The following APBA1 variants were observed in gnomAD, a reference collection of about 807,000 sequenced individuals.
The protein encoded by APBA1 is amyloid-beta A4 precursor protein-binding family A member 1.
Under a neutral mutation model 86.6 loss-of-function variants are expected in APBA1, and 55 were observed. The ratio of observed to expected loss-of-function variants is 0.64; its 90% CI spans 0.51 to 0.80. The LOEUF (loss-of-function observed/expected upper bound fraction) is 0.80, where lower values mean the gene tolerates loss of function less well. APBA1 is among the 30% of genes least tolerant of loss of function. The pLI, the probability that APBA1 is intolerant of heterozygous loss-of-function variation, is 0.00. For missense variants in APBA1, 1,090 were observed against 1,183.0 expected, an observed-to-expected ratio of 0.92 and a Z score of 1.15; for synonymous variants, 511 against 493.9, an observed-to-expected ratio of 1.03 and a Z score of -0.46.
At chr9:69,635,431 T>C (rs935009353) in intron 1 of APBA1, among the ~76,000 whole-genome samples, 2 of 151,164 alleles carry the variant, frequency 1.3e-5, no homozygotes, top group African/African-American at 4.9e-5. Context: ...AAAAGGAAGA[T>C]AGGAAGGAAA....
chr9:69,647,702 T>C (rs547201277), intron 1 of APBA1, among the ~76,000 whole-genome samples: 3 of 152,322 alleles, frequency 2.0e-5, no homozygotes, highest in South Asian at 4.1e-4. Context: ...GCTTCCTTAG[T>C]GCGCCAGAAT....
chr9:69,544,682 A>G (rs1214677798), intron 1 of APBA1, among the ~76,000 whole-genome samples: 18 of 152,344 alleles, frequency 1.2e-4, no homozygotes, highest in Admixed American at 1.2e-3. Context: ...ACTAAAACAT[A>G]TAACTAATTT....
At position 69,658,286 on chromosome 9, in the gene APBA1, C is replaced by CTTTCTTTCTT. The variant is rs770180947; in HGVS notation, c.-70+13866_-70+13867insAAGAAAGAAA. 8.8e-4 allele frequency among the ~76,000 whole-genome samples: 65 copies of CTTTCTTTCTT among 74,220 alleles called. 1 individual carries two copies. Among genetic ancestry groups the CTTTCTTTCTT allele is most frequent in the East Asian group, 2.3e-3 (6 of 2,654 alleles). The allele number at this position is 74,220 out of a possible 152,430, so 48.7% of individuals were successfully genotyped here. ...TTTCTTTCTTTCTTTCTTTCTTTCTCTCTCTCTTTCTCTCTCTCTCTTTCT... is the reference window on the plus strand; with the variant it reads ...TTTCTTTCTTTCTTTCTTTCTTTCTCTTTCTTTCTTTCTCTCTTTCTCTCTCTCTCTTTCT... On this transcript the variant is annotated intron_variant, in intron 1 of 12. Transcript: ENST00000265381.
chr9:69,585,905 GGGGTGGGCTCTGC>G (rs1822009621), intron 1 of APBA1, among the ~76,000 whole-genome samples: 1 of 152,072 alleles, frequency 6.6e-6, no homozygotes, highest in African/African-American at 2.4e-5. Flanking sequence ...ATATGGCCCT[GGGGTGGGCTCTGC>G]GACCTGCTGG....
At chr9:69,576,640 G>T (rs1184913788) in intron 1 of APBA1, among the ~76,000 whole-genome samples, 2 of 152,104 alleles carry the variant, frequency 1.3e-5, no homozygotes, top group African/African-American at 4.8e-5. Context: ...CTCACTCATA[G>T]GTAGGAATTG....
At chr9:69,613,838 T>G (rs1822641627) in intron 1 of APBA1, among the ~76,000 whole-genome samples, 1 of 152,224 alleles carries the variant, frequency 6.6e-6, no homozygotes, top group African/African-American at 2.4e-5. Context: ...TCATAATCTT[T>G]GGACACACAC....
intron 11 of APBA1, among the ~76,000 whole-genome samples, chr9:69,436,281 T>C (rs1177543320): frequency 6.7e-6 from 1 of 150,140 alleles, no homozygotes; most frequent in Non-Finnish European, 1.5e-5. Flanking sequence ...TGGTTCCATA[T>C]GAATTTTAAA....
chr9:69,549,010 G>A (rs1257198997), intron 1 of APBA1, among the ~76,000 whole-genome samples: 1 of 152,214 alleles, frequency 6.6e-6, no homozygotes, highest in Non-Finnish European at 1.5e-5. Context: ...GCCGGGTAGG[G>A]CTAGTCTTCA....
intron 1 of APBA1, among the ~76,000 whole-genome samples, chr9:69,665,499 T>G (rs1416408068): frequency 1.3e-5 from 2 of 152,324 alleles, no homozygotes; most frequent in Admixed American, 1.3e-4. Flanking sequence ...TCTTTACACC[T>G]GAGTTACTTA....
chr9:69,448,286 A>G (rs887425949), intron 10 of APBA1, among the ~76,000 whole-genome samples: 4 of 152,264 alleles, frequency 2.6e-5, no homozygotes, highest in Admixed American at 6.5e-5. Flanking sequence ...TATCCTGCAC[A>G]TGCACACTGG....
At chr9:69,551,952 G>T (rs1251713447) in intron 1 of APBA1, among the ~76,000 whole-genome samples, 7 of 152,194 alleles carry the variant, frequency 4.6e-5, no homozygotes. Context: ...GTTTGAGATG[G>T]AAAGACACAC....
At chr9:69,653,118 C>T (rs1411009731) in intron 1 of APBA1, among the ~76,000 whole-genome samples, 3 of 151,692 alleles carry the variant, frequency 2.0e-5, no homozygotes, top group Admixed American at 2.0e-4. Flanking sequence ...AAATATATTC[C>T]ATGCAAATGG....
At chr9:69,460,179 C>T (rs1835166484) in intron 5 of APBA1, among the ~76,000 whole-genome samples, 3 of 152,182 alleles carry the variant, frequency 2.0e-5, no homozygotes, top group South Asian at 2.1e-4. Context: ...CACCACATAG[C>T]GAATCTCTGG....
chr9:69,457,163 A>G, intron 6 of APBA1, 24 bp from the exon 7 acceptor site: 5 of 1,601,952 alleles, frequency 3.1e-6, no homozygotes, highest in Non-Finnish European at 4.3e-6. Context: ...ATGCACCAAG[A>G]GAAAGTTTGA....
In APBA1 at chr9:69,429,995, T is replaced by C. The variant is rs527646807; in HGVS notation, c.*1332A>G. On this transcript the variant is annotated 3_prime_UTR_variant, in exon 13 of 13. Coordinates refer to ENST00000265381, the MANE Select transcript of APBA1 (RefSeq NM_001163.4). The stretch of plus-strand genomic sequence containing the variant: ...CACTGAACTGAGACGGAAGCATAAA[T>C]ATGAGGCACCTGATGAAAACACGGA... 4.6e-5 allele frequency: 7 copies of C among 152,172 alleles called. No homozygotes were observed. The East Asian group carries it at 1.4e-3, about 29-fold the overall frequency. The allele number at this position is 152,172 out of a possible 1,614,324, so 9.4% of individuals were successfully genotyped here. A position where few individuals can be genotyped will look rare whatever the true frequency, so the allele number is the denominator to read the frequency against.
intron 2 of APBA1, among the ~76,000 whole-genome samples, chr9:69,482,970 G>C (rs1359367270): frequency 8.4e-6 from 1 of 118,442 alleles, no homozygotes; most frequent in East Asian, 3.0e-4. Context: ...GGACTGTTGT[G>C]GGGTGGGGGG....
chr9:69,530,316 A>G (rs865836816), intron 1 of APBA1, among the ~76,000 whole-genome samples: 1,591 of 133,656 alleles, frequency 0.012, 17 homozygotes, highest in East Asian at 0.017. Flanking sequence ...GTATATATAT[A>G]TATATATATA....
At position 69,517,195 on chromosome 9, in the gene APBA1, C is replaced by G. The variant is rs1836179454; in HGVS notation, c.16G>C (p.Gly6Arg). 6.6e-7 allele frequency: 1 copy of G among 1,510,408 alleles called. No individual in the cohort carries two copies. Among genetic ancestry groups the G allele is most frequent in the African/African-American group, 1.4e-5 (1 of 71,294 alleles). The allele number at this position is 1,510,408 out of a possible 1,614,324, so 93.6% of individuals were successfully genotyped here. Residue 6 changes from glycine to arginine, a missense_variant, in exon 2 of 13, where the codon GGG (glycine) becomes CGG (arginine). Gly to Arg is a moderately radical substitution (Grantham distance 125, BLOSUM62 -2). This residue lies in a region of APBA1 where 678 missense variants were observed against 647.1 expected (regional missense o/e 1.05). Transcript: ENST00000265381. ...TCGGTCACCTCCACCTCCGCAGACCCCTCCAAGTGGTTCATGGTGGGAGTC... is the reference window on the plus strand; with the variant it reads ...TCGGTCACCTCCACCTCCGCAGACCGCTCCAAGTGGTTCATGGTGGGAGTC... MNHLE[G>R]SAEVEVTDEA...
At chr9:69,616,079 A>G (rs1303305257) in intron 1 of APBA1, among the ~76,000 whole-genome samples, 3 of 152,170 alleles carry the variant, frequency 2.0e-5, no homozygotes, top group African/African-American at 7.2e-5. Flanking sequence ...TTTCACAACC[A>G]GTAGCTTCCC....
Sources: allele counts gnomAD v4.1 joint callset (sites outside exome capture counted in the v4.1 genomes callset), GRCh38; gene constraint gnomAD v4.1.1; regional missense constraint gnomAD v4.1.1; transcripts MANE v1.5; gene names NCBI Gene and HGNC (gene_info 2026-07-23, HGNC 2026-07-21).